PKIG: variants seen among roughly 807,000 people sequenced by gnomAD.
PKIG encodes the protein cAMP-dependent protein kinase inhibitor gamma, also known as protein kinase (cAMP-dependent, catalytic) inhibitor gamma.
In PKIG, 1 loss-of-function variant was observed where a neutral mutation model predicts 6.8. That is an observed-to-expected ratio of 0.15 (90% CI 0.05 to 0.69). PKIG has a LOEUF of 0.69. Ranked by LOEUF, PKIG falls within the 30% of genes least tolerant of loss-of-function variation. PKIG has a pLI of 0.82. For missense variants in PKIG, 77 were observed against 104.0 expected (o/e 0.74, Z 1.13); for synonymous variants, 39 against 43.0 (o/e 0.91, Z 0.36).
intron 1 of PKIG, among the ~76,000 whole-genome samples, chr20:44,548,688 C>T (rs1429656662): frequency 6.6e-6 from 1 of 152,116 alleles, no homozygotes; most frequent in Admixed American, 6.6e-5. Flanking sequence ...TGCTCAACTC[C>T]TAATTAAAGA....
At chr20:44,603,098 C>T (rs543547576) in intron 2 of PKIG, among the ~76,000 whole-genome samples, 58 of 152,184 alleles carry the variant, frequency 3.8e-4, no homozygotes, top group Non-Finnish European at 6.5e-4. Context: ...GCAGGGCCTT[C>T]TGGACGTAAC....
At chr20:44,569,183 C>T (rs1290747568) in intron 1 of PKIG, among the ~76,000 whole-genome samples, 1 of 152,196 alleles carries the variant, frequency 6.6e-6, no homozygotes, top group Non-Finnish European at 1.5e-5. Context: ...TACATTTTCT[C>T]ATATCTCTGC....
At position 44,614,938 on chromosome 20, in the gene PKIG, C is replaced by T. The variant is rs1467206861; in HGVS notation, c.151+231C>T. On this transcript the variant is annotated intron_variant, in intron 3 of 3. Coordinates refer to ENST00000372886, the MANE Select transcript of PKIG (RefSeq NM_001281445.2). The surrounding 1 kb of genome is among the most constrained non-coding windows in gnomAD (Gnocchi z 4.6). ...GGCATCCGGGACTCTTCCTGTCCCC[C>T]TGCCCCCTAGCCCAGGTCCCTCCAC... Among the ~76,000 whole-genome samples, 1 of 152,158 alleles carries T rather than the reference C, an allele frequency of 6.6e-6. No homozygotes were observed. The highest frequency in any genetic ancestry group is 1.9e-4 in the East Asian group (1 of 5,188).
chr20:44,567,275 G>GAT (rs1410169814), intron 1 of PKIG, among the ~76,000 whole-genome samples: 1 of 152,106 alleles, frequency 6.6e-6, no homozygotes, highest in Non-Finnish European at 1.5e-5. Flanking sequence ...GTGACCCTAG[G>GAT]GTCTGGCTAC....
chr20:44,585,733 T>C (rs2123361436), intron 1 of PKIG, among the ~76,000 whole-genome samples: 1 of 152,388 alleles, frequency 6.6e-6, no homozygotes, highest in Non-Finnish European at 1.5e-5. Flanking sequence ...TTTGAATGCC[T>C]TTAGGCAGGT....
chr20:44,552,353 G>A (rs943592298), intron 1 of PKIG, among the ~76,000 whole-genome samples: 2 of 152,166 alleles, frequency 1.3e-5, no homozygotes, highest in African/African-American at 4.8e-5. Flanking sequence ...TGTTTCAGTA[G>A]TAATTTCCTG....
At chr20:44,547,770 C>G (rs2064629317) in intron 1 of PKIG, among the ~76,000 whole-genome samples, 1 of 152,172 alleles carries the variant, frequency 6.6e-6, no homozygotes, top group Non-Finnish European at 1.5e-5. Flanking sequence ...CGCGGTTGCT[C>G]ATTCCTGTAA....
At chr20:44,596,402 G>A (rs1021331983) in intron 2 of PKIG, among the ~76,000 whole-genome samples, 20 of 152,348 alleles carry the variant, frequency 1.3e-4, no homozygotes, top group African/African-American at 4.3e-4. Flanking sequence ...TTTACAGGGG[G>A]CTGGCATTCC....
At chr20:44,583,353 G>T (rs1182093684) in intron 1 of PKIG, among the ~76,000 whole-genome samples, 1 of 152,184 alleles carries the variant, frequency 6.6e-6, no homozygotes, top group Non-Finnish European at 1.5e-5. Flanking sequence ...TGCTGTTTAT[G>T]CCTGGAATAT....
chr20:44,604,248 T>C (rs868291610), intron 2 of PKIG, among the ~76,000 whole-genome samples: 5 of 152,228 alleles, frequency 3.3e-5, no homozygotes, highest in African/African-American at 1.2e-4. Flanking sequence ...AAGTCAGGCA[T>C]GAGTTACGGG....
chr20:44,574,381 T>A (rs2064878237), intron 1 of PKIG, among the ~76,000 whole-genome samples: 1 of 152,096 alleles, frequency 6.6e-6, no homozygotes, highest in Non-Finnish European at 1.5e-5. Context: ...TTTTGAAACA[T>A]GTACAAAACT....
chr20:44,571,359 G>A (rs2064852770), intron 1 of PKIG, among the ~76,000 whole-genome samples: 1 of 151,942 alleles, frequency 6.6e-6, no homozygotes, highest in Admixed American at 6.6e-5. Flanking sequence ...AAAAAAAGTG[G>A]GGTTGTTCAA....
chr20:44,546,749 C>T (rs2064618495), intron 1 of PKIG, among the ~76,000 whole-genome samples: 1 of 147,662 alleles, frequency 6.8e-6, no homozygotes, highest in Non-Finnish European at 1.5e-5. Flanking sequence ...AACGGGGTTT[C>T]ACCATGTTGA....
chr20:44,534,947 G>A (rs769397418), intron 1 of PKIG, among the ~76,000 whole-genome samples: 1 of 152,110 alleles, frequency 6.6e-6, no homozygotes, highest in African/African-American at 2.4e-5. Flanking sequence ...CTACCTGGAT[G>A]ATATAAATCT....
intron 1 of PKIG, among the ~76,000 whole-genome samples, chr20:44,546,349 G>A (rs914214978): frequency 3.2e-4 from 49 of 151,978 alleles, no homozygotes; most frequent in African/African-American, 1.2e-3. Context: ...CTCTTTAACT[G>A]TATTTTTTAA....
Position 44,614,601 on chromosome 20 carries a change from C to T in PKIG, c.45C>T (p.Asp15=). The T allele has an allele frequency of 6.2e-7, 1 of 1,614,110 alleles. No homozygotes were observed. The highest frequency in any genetic ancestry group is 8.5e-7 in the Non-Finnish European group (1 of 1,180,010). The part of the protein sequence containing the change: ...ESSYSDFISC[D]RTGRRNAVPD... ...CCTACTCGGACTTCATCTCCTGTGA[C>T]CGGACAGGCCGTCGGAATGCGGTCC... Residue 15 remains aspartate (D), a synonymous_variant, in exon 3 of 4, where the codon GAC becomes GAT. Coordinates refer to ENST00000372886, the MANE Select transcript of PKIG (RefSeq NM_001281445.2). The surrounding 1 kb of genome is among the most constrained non-coding windows in gnomAD (Gnocchi z 4.6).
chr20:44,589,966 A>G (rs372820215), intron 2 of PKIG, 100 bp downstream of exon 2: 1 of 152,346 alleles, frequency 6.6e-6, no homozygotes, highest in Non-Finnish European at 1.5e-5. Context: ...GTAAGTTCCA[A>G]ACTAAATTAG....
intron 1 of PKIG, among the ~76,000 whole-genome samples, chr20:44,558,335 T>C (rs1448263799): frequency 6.6e-6 from 1 of 152,202 alleles, no homozygotes; most frequent in Non-Finnish European, 1.5e-5. Flanking sequence ...CTCTCCATTT[T>C]GTGGGTGGGA....
chr20:44,575,132 A>G (rs980750305), intron 1 of PKIG, among the ~76,000 whole-genome samples: 1 of 151,668 alleles, frequency 6.6e-6, no homozygotes, highest in Non-Finnish European at 1.5e-5. Context: ...GCTCACTGCA[A>G]CCTCCACCTC....
Sources: gnomAD v4.1 joint callset for allele counts (sites outside exome capture counted in the v4.1 genomes callset) on GRCh38, gnomAD v4.1.1 for gene constraint, Gnocchi (gnomAD v3.1) non-coding constraint, MANE v1.5 for transcripts, NCBI Gene and HGNC (gene_info 2026-07-23, HGNC 2026-07-21) for gene names.